DPY30: variants seen among roughly 807,000 people sequenced by gnomAD.
The protein encoded by DPY30 is protein dpy-30 homolog.
In DPY30, 6 loss-of-function variants were observed where a neutral mutation model predicts 16.2. The ratio of observed to expected loss-of-function variants is 0.37; its 90% CI spans 0.20 to 0.73. The LOEUF is 0.73. Among genes scored for constraint, DPY30 ranks in the 30% least tolerant of loss-of-function variants. The pLI is 0.51. For missense variants in DPY30, 73 were observed against 113.1 expected, an observed-to-expected ratio of 0.65 and a Z score of 1.61; for synonymous variants, 39 against 38.8, an observed-to-expected ratio of 1.00 and a Z score of -0.02.
chr2:32,025,017 A>G (rs1675277695), intron 4 of DPY30, among the ~76,000 whole-genome samples: 2 of 152,334 alleles, frequency 1.3e-5, no homozygotes, highest in East Asian at 1.9e-4. Flanking sequence ...AAACTCTGCT[A>G]TGAAAAGGCA....
intron 3 of DPY30, 152 bp from the exon 4 acceptor site, chr2:32,029,888 A>G (rs891560450): frequency 6.6e-6 from 5 of 757,896 alleles, no homozygotes; most frequent in Non-Finnish European, 1.1e-5. Context: ...TGCCCAAAAT[A>G]AATTCAGACC....
chr2:32,032,575 C>T (rs372296093), intron 3 of DPY30, among the ~76,000 whole-genome samples: 1 of 152,166 alleles, frequency 6.6e-6, no homozygotes, highest in Non-Finnish European at 1.5e-5. Flanking sequence ...AAAAACTACT[C>T]GGGGCCAGGC....
At chr2:32,033,335 T>A (rs1675614397) in intron 3 of DPY30, among the ~76,000 whole-genome samples, 1 of 151,254 alleles carries the variant, frequency 6.6e-6, no homozygotes, top group Admixed American at 6.6e-5. Flanking sequence ...TTTAACTTGT[T>A]AGTTACATGA....
At chr2:32,036,928 G>A (rs116380484) in intron 3 of DPY30, among the ~76,000 whole-genome samples, 2,573 of 151,998 alleles carry the variant, frequency 0.017, 46 homozygotes, top group South Asian at 0.051. Context: ...TAAAACACTG[G>A]TATAAAGAAA....
chr2:32,017,172 G>A (rs185557971), intron 5 of DPY30, among the ~76,000 whole-genome samples: 3 of 152,004 alleles, frequency 2.0e-5, no homozygotes, highest in East Asian at 1.9e-4. Context: ...CGTGAGCCAC[G>A]GCGCCCGGCC....
Position 32,039,628 on chromosome 2 carries a change from G to A in DPY30, c.-37+105C>T. 4.0e-6 allele frequency: 3 copies of A among 753,620 alleles called. No homozygotes were observed. The South Asian group carries it at 5.0e-5, about 13-fold the overall frequency. The allele number at this position is 753,620 out of a possible 1,614,324, so 46.7% of individuals were successfully genotyped here. On this transcript the variant is annotated intron_variant, in intron 1 of 4. Coordinates refer to ENST00000342166, the MANE Select transcript of DPY30 (RefSeq NM_001321209.2). Reference sequence around the variant, plus strand: ...GAGCACCACGAGCAGTAGAGCAGCAGAGTGGGACAGTCCACGACTGGGCGC... The same window carrying A: ...GAGCACCACGAGCAGTAGAGCAGCAAAGTGGGACAGTCCACGACTGGGCGC...
At chr2:32,029,320 T>C (rs1017417565) in intron 4 of DPY30, among the ~76,000 whole-genome samples, 2 of 152,114 alleles carry the variant, frequency 1.3e-5, no homozygotes, top group African/African-American at 2.4e-5. Flanking sequence ...TGTGGAGAGA[T>C]ACAGAAAAAT....
downstream of DPY30, among the ~76,000 whole-genome samples, chr2:32,022,954 G>A (rs1376956252): frequency 6.6e-6 from 1 of 152,184 alleles, no homozygotes; most frequent in Non-Finnish European, 1.5e-5. Flanking sequence ...GGAGGGAGAA[G>A]ATGGGCATAC....
intron 3 of DPY30, among the ~76,000 whole-genome samples, chr2:32,035,591 TAAA>T (rs906842596): frequency 7.3e-6 from 1 of 137,384 alleles, no homozygotes; most frequent in Non-Finnish European, 1.6e-5. Context: ...TTCATCTTAT[TAAA>T]AAAAAAAAAA....
At chr2:32,026,296 C>G (rs371891215) in intron 4 of DPY30, among the ~76,000 whole-genome samples, 1 of 151,944 alleles carries the variant, frequency 6.6e-6, no homozygotes, top group Non-Finnish European at 1.5e-5. Flanking sequence ...TGTAGTCCCA[C>G]CTACTCAGAA....
intron 1 of DPY30, 30 bp from the exon 2 acceptor site, chr2:32,039,522 C>T: frequency 6.2e-7 from 1 of 1,610,740 alleles, no homozygotes; most frequent in Non-Finnish European, 8.5e-7. Flanking sequence ...CGCGAGTTAC[C>T]TGGGAGATTT....
At chr2:32,016,925 C>T (rs763457155) in intron 5 of DPY30, among the ~76,000 whole-genome samples, 1 of 152,078 alleles carries the variant, frequency 6.6e-6, no homozygotes, top group African/African-American at 2.4e-5. Flanking sequence ...TTCTGTCACC[C>T]AGGCTGGAGT....
intron 4 of DPY30, among the ~76,000 whole-genome samples, chr2:32,025,582 G>A (rs1675301276): frequency 6.6e-6 from 1 of 151,554 alleles, no homozygotes; most frequent in South Asian, 2.1e-4. Flanking sequence ...CCAACATGGT[G>A]AAATCCTGTC....
chr2:32,032,532 T>A (rs952137868), intron 3 of DPY30, among the ~76,000 whole-genome samples: 1 of 152,078 alleles, frequency 6.6e-6, no homozygotes, highest in Non-Finnish European at 1.5e-5. Context: ...CTAAAAACAG[T>A]CCTAACTTCC....
chr2:32,033,761 T>C (rs1218488846), intron 3 of DPY30, among the ~76,000 whole-genome samples: 2 of 152,250 alleles, frequency 1.3e-5, no homozygotes. Context: ...TTATTTCATG[T>C]GAACATTTAT....
chr2:32,023,675 A>G, downstream of DPY30: 1 of 1,226,196 alleles, frequency 8.2e-7, no homozygotes, highest in Non-Finnish European at 1.1e-6. Flanking sequence ...CATTAGAATC[A>G]CCTGTGATAC....
intron 5 of DPY30, among the ~76,000 whole-genome samples, chr2:32,015,975 C>T (rs796968168): frequency 4.3e-4 from 66 of 152,206 alleles, no homozygotes; most frequent in African/African-American, 1.5e-3. Flanking sequence ...CTGCAGCCTC[C>T]ACCGCCTCTA....
Position 32,039,495 on chromosome 2 carries a change from TG to T in DPY30, c.-36-4del. The T allele has an allele frequency of 2.5e-6, 4 of 1,613,804 alleles. No homozygotes were observed. Among genetic ancestry groups the T allele is most frequent in the Non-Finnish European group, 3.4e-6 (4 of 1,179,978 alleles). On this transcript the variant is annotated splice_region_variant and splice_polypyrimidine_tract_variant and intron_variant, in intron 1 of 4. Coordinates refer to ENST00000342166, the MANE Select transcript of DPY30 (RefSeq NM_001321209.2). ...AGTCACAGTCCCCGGATACCAGTCTTGGAAAACAAGAAGAGCCGCGAGTTAC... is the reference window on the plus strand; with the variant it reads ...AGTCACAGTCCCCGGATACCAGTCTTGAAAACAAGAAGAGCCGCGAGTTAC...
At chr2:32,014,896 A>G (rs1675034683) in intron 5 of DPY30, among the ~76,000 whole-genome samples, 1 of 152,162 alleles carries the variant, frequency 6.6e-6, no homozygotes, top group Non-Finnish European at 1.5e-5. Context: ...GTATGCTTCC[A>G]TTTGTATAGA....
Sources: allele counts gnomAD v4.1 joint callset (sites outside exome capture counted in the v4.1 genomes callset), GRCh38; gene constraint gnomAD v4.1.1; transcripts MANE v1.5; gene names NCBI Gene and HGNC (gene_info 2026-07-23, HGNC 2026-07-21).